Variants in MAP3K15 observed in about 807,000 individuals in gnomAD.
MAP3K15 encodes the protein mitogen-activated protein kinase kinase kinase 15, also known as MAPK/ERK kinase kinase 15.
A neutral mutation model predicts 99.5 loss-of-function variants in MAP3K15; 124 were observed. That is an observed-to-expected ratio of 1.25 (90% confidence interval 1.08 to 1.45). The LOEUF is 1.45. MAP3K15 is among the 40% of genes most tolerant of loss of function. The pLI, the probability that MAP3K15 is intolerant of heterozygous loss-of-function variation, is 0.00. For missense variants in MAP3K15, 1,242 were observed against 1,079.7 expected (o/e 1.15, Z -2.11); for synonymous variants, 494 against 439.6 (o/e 1.12, Z -1.55).
Position 19,452,351 on chromosome X carries a change from A to AAAGAG in MAP3K15, c.995+4557_995+4561dup, listed in dbSNP as rs758144000. On this transcript the variant is annotated intron_variant, in intron 6 of 28. Transcript: ENST00000338883. Reference sequence around the variant, plus strand: ...AAGAGAAGAGAAGAGAAGAGAAGAGAAAGAGAAGAGAAGAGAAGAGAAGAG... The same window carrying AAAGAG: ...AAGAGAAGAGAAGAGAAGAGAAGAGAAAGAGAAGAGAAGAGAAGAGAAGAGAAGAG... Among the ~76,000 whole-genome samples, 3 of 2,311 alleles carry AAAGAG rather than the reference A, an allele frequency of 1.3e-3. 1 individual carries two copies. Among genetic ancestry groups the AAAGAG allele is most frequent in the African/African-American group, 6.9e-3 (1 of 145 alleles). The allele number at this position is 2,311 out of a possible 115,157, so 2.0% of individuals were successfully genotyped here.
intron 14 of MAP3K15, 131 bp from the exon 15 acceptor site, chrX:19,398,490 T>A: frequency 1.4e-6 from 1 of 689,851 alleles, no homozygotes; most frequent in Non-Finnish European, 2.1e-6. Context: ...CAAGTCACAG[T>A]GCTTAGCTTA....
rs1425026635 is a variant in MAP3K15 at position 19,428,586 on chromosome X, TA to T, written c.1167-2244del. 5.3e-5 allele frequency among the ~76,000 whole-genome samples: 6 copies of T among 112,273 alleles called. No individual in the cohort carries two copies. In the East Asian group the frequency reaches 1.4e-3, roughly 26 times the overall value. On this transcript the variant is annotated intron_variant, in intron 7 of 28. Coordinates refer to ENST00000338883, the MANE Select transcript of MAP3K15 (RefSeq NM_001001671.4). ...CAATGTAAGCAAGAATATGGTATCTTAAAATCACACAAATTCAAGTCTGGAG... is the reference window on the plus strand; with the variant it reads ...CAATGTAAGCAAGAATATGGTATCTTAAATCACACAAATTCAAGTCTGGAG...
At chrX:19,378,414 C>G (rs752627543) in intron 19 of MAP3K15, among the ~76,000 whole-genome samples, 1 of 111,985 alleles carries the variant, frequency 8.9e-6, no homozygotes, top group Non-Finnish European at 1.9e-5. Flanking sequence ...CAGTTCCACG[C>G]GGCTGGGGAG....
At chrX:19,502,045 G>A (rs200706625) in intron 1 of MAP3K15, among the ~76,000 whole-genome samples, 2 of 112,297 alleles carry the variant, frequency 1.8e-5, no homozygotes, top group East Asian at 2.8e-4. Context: ...TAGCCTGGGC[G>A]ACAGAGACTC....
intron 3 of MAP3K15, among the ~76,000 whole-genome samples, chrX:19,473,223 A>G (rs2064219454): frequency 8.9e-6 from 1 of 112,237 alleles, no homozygotes; most frequent in African/African-American, 3.2e-5. Flanking sequence ...AAGTTTAAGA[A>G]ATTTGGCAGA....
Position 19,515,185 on chromosome X carries a change from G to C in MAP3K15, c.77C>G (p.Pro26Arg). The change falls in exon 1 of 29, where the codon CCG (proline) becomes CGG (arginine). Residue 26 changes from proline (P) to arginine (R), a missense_variant. Pro to Arg is a moderately radical substitution (Grantham distance 103). Transcript: ENST00000338883. ...ASESPQCPPP[P>R]GVEGAAGPAE... is the part of the protein sequence containing the mutation. ...CGGCCCGGCCGCGCCCTCCACCCCC[G>C]GCGGCGGCGGGCACTGAGGGGACTC... 1 of 831,864 alleles carries C rather than the reference G, an allele frequency of 1.2e-6. No homozygotes were observed. The highest frequency in any genetic ancestry group is 1.5e-6 in the Non-Finnish European group (1 of 685,868). The allele number at this position is 831,864 out of a possible 1,213,427, so 68.6% of individuals were successfully genotyped here.
At chrX:19,435,670 C>G (rs748477684) in intron 6 of MAP3K15, among the ~76,000 whole-genome samples, 2 of 112,352 alleles carry the variant, frequency 1.8e-5, no homozygotes, top group Non-Finnish European at 3.8e-5. Context: ...TAGCTAATCC[C>G]TTTAGTGGTT....
At chrX:19,377,813 C>T (rs1009177674) in intron 19 of MAP3K15, among the ~76,000 whole-genome samples, 18 of 112,275 alleles carry the variant, frequency 1.6e-4, no homozygotes, top group African/African-American at 3.2e-4. Context: ...CCACCGCACA[C>T]GGTCAAAGTG....
intron 3 of MAP3K15, among the ~76,000 whole-genome samples, chrX:19,477,076 G>A (rs1270817065): frequency 8.9e-6 from 1 of 112,013 alleles, no homozygotes; most frequent in Non-Finnish European, 1.9e-5. Context: ...AAGCAGATGA[G>A]TGAATGGCAA....
chrX:19,494,788 G>A (rs1246852489), intron 1 of MAP3K15, among the ~76,000 whole-genome samples: 2 of 108,119 alleles, frequency 1.8e-5, no homozygotes, highest in East Asian at 2.9e-4. Context: ...AATGAAAAGC[G>A]CTAGACTTCA....
intron 3 of MAP3K15, among the ~76,000 whole-genome samples, chrX:19,475,008 G>A (rs2064232725): frequency 9.0e-6 from 1 of 110,918 alleles, no homozygotes; most frequent in South Asian, 3.9e-4. Flanking sequence ...CAGGGGCAGG[G>A]AGGATGGTTT....
intron 6 of MAP3K15, among the ~76,000 whole-genome samples, chrX:19,436,484 C>G (rs1250684023): frequency 2.7e-5 from 3 of 111,359 alleles, no homozygotes. Context: ...GACATTTCAT[C>G]TTTCTTGGTA....
intron 3 of MAP3K15, among the ~76,000 whole-genome samples, chrX:19,480,881 G>A (rs1429706472): frequency 9.3e-6 from 1 of 107,284 alleles, no homozygotes; most frequent in Non-Finnish European, 1.9e-5. Context: ...TTGGGAGGCT[G>A]AGGTGGGCAG....
chrX:19,478,209 A>G (rs1246973840), intron 3 of MAP3K15, among the ~76,000 whole-genome samples: 1 of 68,317 alleles, frequency 1.5e-5, no homozygotes, highest in African/African-American at 6.1e-5. Context: ...AGAGAGAAAG[A>G]GGGAGGGAGA....
chrX:19,487,805 T>C (rs7055088), intron 2 of MAP3K15, among the ~76,000 whole-genome samples: 3,670 of 111,689 alleles, frequency 0.033, 125 homozygotes, highest in African/African-American at 0.096. Context: ...ATGTCCAACT[T>C]TGGCATAAAA....
chrX:19,434,130 T>C (rs1160279884), intron 6 of MAP3K15, among the ~76,000 whole-genome samples: 1 of 112,384 alleles, frequency 8.9e-6, no homozygotes, highest in Non-Finnish European at 1.9e-5. Flanking sequence ...CAGAAAATCA[T>C]TGCTGGGATT....
intron 1 of MAP3K15, among the ~76,000 whole-genome samples, chrX:19,508,525 C>A (rs1014972010): frequency 2.7e-5 from 3 of 111,976 alleles, no homozygotes; most frequent in Non-Finnish European, 5.6e-5. Flanking sequence ...TGTAATGACA[C>A]TGAAATGAAC....
Position 19,409,979 on chromosome X carries a change from A to C in MAP3K15, c.1699-6T>G, listed in dbSNP as rs776501255. The C allele has an allele frequency of 8.3e-7, 1 of 1,197,716 alleles. No individual in the cohort carries two copies. The highest frequency in any genetic ancestry group is 1.1e-6 in the Non-Finnish European group (1 of 884,539). On this transcript the variant is annotated splice_region_variant and splice_polypyrimidine_tract_variant and intron_variant, in intron 11 of 28. Coordinates refer to ENST00000338883, the MANE Select transcript of MAP3K15 (RefSeq NM_001001671.4). ...TTCCATTCGTGCATCTGTTTCTGCA[A>C]GTTATCAAAGACAGAAGTCAATAGT...
intron 3 of MAP3K15, among the ~76,000 whole-genome samples, chrX:19,468,243 G>A (rs768265843): frequency 8.9e-6 from 1 of 112,303 alleles, no homozygotes; most frequent in African/African-American, 3.2e-5. Flanking sequence ...GGGTAGACCA[G>A]CTAGAAGTTT....
Sources: allele counts gnomAD v4.1 joint callset (sites outside exome capture counted in the v4.1 genomes callset), GRCh38; gene constraint gnomAD v4.1.1; transcripts MANE v1.5; gene names NCBI Gene and HGNC (gene_info 2026-07-23, HGNC 2026-07-21).